The following SH3BP5 variants were observed in gnomAD, a reference collection of about 807,000 sequenced individuals.
SH3BP5 encodes SH3 domain-binding protein 5.
Under a neutral mutation model 43.3 loss-of-function variants are expected in SH3BP5, and 22 were observed. The observed-to-expected ratio is 0.51, with a 90% confidence interval of 0.36 to 0.73. The LOEUF (loss-of-function observed/expected upper bound fraction) is 0.73. Ranked by LOEUF, SH3BP5 falls within the 30% of genes least tolerant of loss-of-function variation. The pLI is 0.00. For synonymous variants in SH3BP5, 255 were observed against 225.8 expected, an observed-to-expected ratio of 1.13 and a Z score of -1.16; for missense variants, 529 against 586.9, an observed-to-expected ratio of 0.90 and a Z score of 1.02.
In SH3BP5 at chr3:15,257,123, G is replaced by GA. The variant is rs1265638499; in HGVS notation, c.890-11dup. ...AAGGCCTCCGAGGCCACTAAGTTGA[G>GA]AGAGAACACCAGTCACATGGGTTCT... On this transcript the variant is annotated splice_polypyrimidine_tract_variant and intron_variant, in intron 7 of 8. Coordinates refer to ENST00000383791, the MANE Select transcript of SH3BP5 (RefSeq NM_004844.5). 6.2e-7 allele frequency: 1 copy of GA among 1,611,872 alleles called. No individual in the cohort carries two copies. The highest frequency in any genetic ancestry group is 1.1e-5 in the South Asian group (1 of 90,884).
upstream of SH3BP5, among the ~76,000 whole-genome samples, chr3:15,334,919 C>A (rs1472395176): frequency 1.3e-5 from 2 of 150,598 alleles, no homozygotes; most frequent in African/African-American, 4.9e-5. Flanking sequence ...ACCACTGCCC[C>A]CCAGCTTAGG....
upstream of SH3BP5, among the ~76,000 whole-genome samples, chr3:15,334,669 G>A (rs1432724671): frequency 6.6e-6 from 1 of 152,124 alleles, no homozygotes; most frequent in Non-Finnish European, 1.5e-5. Flanking sequence ...ATACAGGAGG[G>A]GCTGCTCATG....
At chr3:15,262,108 TG>T (rs771716136) in intron 5 of SH3BP5, 50 bp downstream of exon 5, 55 of 1,603,364 alleles carry the variant, frequency 3.4e-5, no homozygotes, top group Non-Finnish European at 4.7e-5. Context: ...GCTGAGAAGA[TG>T]CAGACTAGGA....
intron 6 of SH3BP5, 161 bp from the exon 7 acceptor site, chr3:15,259,211 A>C (rs1461595661): frequency 3.1e-6 from 2 of 637,262 alleles, no homozygotes; most frequent in Non-Finnish European, 5.5e-6. Flanking sequence ...CTATTCATTC[A>C]CCAGACAAAA....
chr3:15,269,755 G>A lies in SH3BP5; in HGVS notation c.453C>T (p.Phe151=), dbSNP rs761259369. The A allele has an allele frequency of 1.9e-5, 31 of 1,611,338 alleles. No homozygotes were observed. In the East Asian group the frequency reaches 2.2e-4, roughly 12 times the overall value. Residue 151 remains phenylalanine, a synonymous_variant, in exon 4 of 9, where the codon TTC becomes TTT. Transcript: ENST00000383791. Reference sequence around the variant, plus strand: ...TCAGCATCTCCTGCCAGGCGGAGTCGAACTGCCGCTTGTCATCCTCCAGCA... The same window carrying A: ...TCAGCATCTCCTGCCAGGCGGAGTCAAACTGCCGCTTGTCATCCTCCAGCA... ...QRLLEDDKRQ[F]DSAWQEMLNH...
chr3:15,290,293 C>T (rs1697375271), intron 3 of SH3BP5, among the ~76,000 whole-genome samples: 1 of 151,858 alleles, frequency 6.6e-6, no homozygotes, highest in Admixed American at 6.6e-5. Flanking sequence ...CTTTGAGAGG[C>T]CAAGGCGGGC....
At chr3:15,273,160 G>C (rs78109761) in intron 3 of SH3BP5, 159,304 of 984,262 alleles carry the variant, frequency 0.16, 13,768 homozygotes, top group Non-Finnish European at 0.17. Flanking sequence ...GAATCCCACA[G>C]GATCCTAAAA....
At chr3:15,269,982 A>C in intron 3 of SH3BP5, 105 bp from the exon 4 acceptor site, 49 of 1,020,846 alleles carry the variant, frequency 4.8e-5, no homozygotes, top group Non-Finnish European at 6.4e-5. Flanking sequence ...GGACAAGCTC[A>C]TCTCTGCCTC....
At position 15,320,640 on chromosome 3, in the gene SH3BP5, A is replaced by ACACC. The variant is rs373879792; in HGVS notation, c.201+9863_201+9864insGGTG. 7.9e-3 allele frequency among the ~76,000 whole-genome samples: 1,186 copies of ACACC among 149,646 alleles called. 18 individuals carry two copies. The highest frequency in any genetic ancestry group is 0.026 in the African/African-American group (1,065 of 40,292). On this transcript the variant is annotated intron_variant, in intron 2 of 8. Coordinates refer to ENST00000383791, the MANE Select transcript of SH3BP5 (RefSeq NM_004844.5). ...CACACACACACACACACACACACAC[A>ACACC]CCCCACTACGTTAAAGTCCCTACAA...
At chr3:15,337,370 C>T (rs898440518), upstream of SH3BP5, among the ~76,000 whole-genome samples, 12 of 152,012 alleles carry the variant, frequency 7.9e-5, no homozygotes, top group Non-Finnish European at 1.0e-4. Context: ...CCACCGTGCC[C>T]GGCCAAGAGT....
At chr3:15,272,624 TAAAGACATATTACAAAACAGA>T (rs1202216726) in intron 3 of SH3BP5, among the ~76,000 whole-genome samples, 16 of 86,668 alleles carry the variant, frequency 1.8e-4, no homozygotes, top group African/African-American at 1.1e-3. Flanking sequence ...GCCCGTAGGA[TAAAGACATATTACAAAACAGA>T]GTGCCTGTAG....
At chr3:15,280,663 C>T (rs1475785098) in intron 3 of SH3BP5, among the ~76,000 whole-genome samples, 1 of 152,200 alleles carries the variant, frequency 6.6e-6, no homozygotes, top group Non-Finnish European at 1.5e-5. Context: ...CCCCAAAACA[C>T]ACACGCAACA....
intron 3 of SH3BP5, among the ~76,000 whole-genome samples, chr3:15,272,930 C>T (rs1012697061): frequency 3.3e-5 from 5 of 152,046 alleles, no homozygotes; most frequent in African/African-American, 1.2e-4. Context: ...CTAGAGCTGA[C>T]CAACTCACCC....
rs184055215 is a variant in SH3BP5, at chr3:15,277,816, C to T, written c.331-7939G>A. ...GGTTGGGCTCAGTATGCATACACCC[C>T]CCCAGCACTTGGCCAAAGCAATGAT... On this transcript the variant is annotated intron_variant, in intron 3 of 8. Coordinates refer to ENST00000383791, the MANE Select transcript of SH3BP5 (RefSeq NM_004844.5). 3.3e-5 allele frequency among the ~76,000 whole-genome samples: 5 copies of T among 152,210 alleles called. No homozygotes were observed. In the East Asian group the frequency reaches 9.7e-4, roughly 29 times the overall value.
At chr3:15,265,250 T>A (rs1696591021) in intron 4 of SH3BP5, among the ~76,000 whole-genome samples, 1 of 152,088 alleles carries the variant, frequency 6.6e-6, no homozygotes, top group South Asian at 2.1e-4. Context: ...GCGATGGGGC[T>A]CATGCCTGTA....
chr3:15,266,256 G>A (rs1483892489), intron 4 of SH3BP5, among the ~76,000 whole-genome samples: 1 of 152,230 alleles, frequency 6.6e-6, no homozygotes, highest in East Asian at 1.9e-4. Flanking sequence ...CCACTGTGTG[G>A]AAGGGAGGCG....
intron 2 of SH3BP5, among the ~76,000 whole-genome samples, chr3:15,323,176 A>G (rs915296654): frequency 2.0e-5 from 3 of 147,020 alleles, no homozygotes; most frequent in African/African-American, 7.6e-5. Context: ...AGCAGGGCTC[A>G]CTCAGGGAAA....
At chr3:15,333,298 A>C (rs1575361303), upstream of SH3BP5, 4 of 984,264 alleles carry the variant, frequency 4.1e-6, no homozygotes, top group African/African-American at 7.0e-5. Context: ...CTTTTATGAA[A>C]TGTCAGGGCC....
chr3:15,330,551 A>G lies in SH3BP5; in HGVS notation c.154T>C (p.Leu52=). The G allele has an allele frequency of 1.9e-6, 3 of 1,607,806 alleles. No individual in the cohort carries two copies. The highest frequency in any genetic ancestry group is 2.5e-6 in the Non-Finnish European group (3 of 1,177,760). ...DPRIQGELEK[L]NQSTDDINRR... Reference sequence around the variant, plus strand: ...TTGATATCATCCGTGGACTGATTTAACTTCTCCAGTTCTCCCTGGTGAAGA... The same window carrying G: ...TTGATATCATCCGTGGACTGATTTAGCTTCTCCAGTTCTCCCTGGTGAAGA... The change falls in exon 2 of 9, where the codon TTA becomes CTA. Residue 52 remains leucine (L), a synonymous_variant. Transcript: ENST00000383791.
Sources: allele counts gnomAD v4.1 joint callset (sites outside exome capture counted in the v4.1 genomes callset), GRCh38; gene constraint gnomAD v4.1.1; transcripts MANE v1.5; gene names NCBI Gene and HGNC (gene_info 2026-07-23, HGNC 2026-07-21).